Variants in HIVEP3 observed in about 807,000 individuals in gnomAD.
The protein encoded by HIVEP3 is transcription factor HIVEP3.
Under a neutral mutation model 152.8 loss-of-function variants are expected in HIVEP3, and 49 were observed. That is an observed-to-expected ratio of 0.32 (90% CI 0.26 to 0.41). The LOEUF is 0.41. HIVEP3 is among the 10% of genes least tolerant of loss of function. The pLI is 1.00. For missense variants in HIVEP3, 2,790 were observed against 3,103.3 expected (o/e 0.90, Z 2.40); for synonymous variants, 1,269 against 1,289.0 (o/e 0.98, Z 0.33).
intron 3 of HIVEP3, among the ~76,000 whole-genome samples, chr1:41,624,221 C>A (rs1645085458): frequency 6.6e-6 from 1 of 152,196 alleles, no homozygotes; most frequent in Non-Finnish European, 1.5e-5. Flanking sequence ...CCATTATCCT[C>A]CAGTACAAAA....
chr1:41,978,474 G>GT (rs1645274180), intron 1 of HIVEP3, among the ~76,000 whole-genome samples: 2 of 152,166 alleles, frequency 1.3e-5, no homozygotes, highest in Non-Finnish European at 2.9e-5. Flanking sequence ...ACCACAGGAG[G>GT]ACACAGGAGG....
intron 6 of HIVEP3, among the ~76,000 whole-genome samples, chr1:41,521,162 G>A (rs934062544): frequency 6.6e-6 from 1 of 152,170 alleles, no homozygotes; most frequent in African/African-American, 2.4e-5. Context: ...TACCTACCTC[G>A]TGGGGATGCG....
intron 1 of HIVEP3, among the ~76,000 whole-genome samples, chr1:41,851,912 A>T (rs1050032371): frequency 6.6e-6 from 1 of 152,194 alleles, no homozygotes; most frequent in Non-Finnish European, 1.5e-5. Flanking sequence ...TTTGAGACCA[A>T]AGAGTTGGGT....
intron 1 of HIVEP3, among the ~76,000 whole-genome samples, chr1:42,017,349 A>G (rs1436231885): frequency 2.0e-5 from 3 of 152,184 alleles, no homozygotes; most frequent in Non-Finnish European, 4.4e-5. Context: ...AGAAAAGAGC[A>G]CAAGGCATCA....
intron 2 of HIVEP3, among the ~76,000 whole-genome samples, chr1:41,673,722 C>T (rs17372813): frequency 0.14 from 21,688 of 152,144 alleles, 1,873 homozygotes; most frequent in Middle Eastern, 0.19. Flanking sequence ...ATGAATAAAT[C>T]AAGTTTGGTT....
At chr1:41,593,807 G>A (rs370630129) in intron 3 of HIVEP3, among the ~76,000 whole-genome samples, 2 of 152,192 alleles carry the variant, frequency 1.3e-5, no homozygotes, top group South Asian at 2.1e-4. Flanking sequence ...GTGGTCAGAC[G>A]TCTGAAATAG....
At chr1:41,655,171 C>T (rs1226829973) in intron 2 of HIVEP3, among the ~76,000 whole-genome samples, 2 of 152,080 alleles carry the variant, frequency 1.3e-5, no homozygotes, top group African/African-American at 4.8e-5. Flanking sequence ...TTCCATAGAC[C>T]TCCACGTGCC....
intron 1 of HIVEP3, among the ~76,000 whole-genome samples, chr1:41,805,662 C>G (rs148591749): frequency 3.9e-5 from 6 of 152,186 alleles, no homozygotes; most frequent in African/African-American, 1.4e-4. Flanking sequence ...CAAGAGGATA[C>G]GTGACCAAGA....
chr1:41,781,930 G>A (rs1161859523), intron 1 of HIVEP3, among the ~76,000 whole-genome samples: 1 of 152,196 alleles, frequency 6.6e-6, no homozygotes, highest in African/African-American at 2.4e-5. Flanking sequence ...TGCATTATAA[G>A]GAGTCAGCCT....
intron 1 of HIVEP3, among the ~76,000 whole-genome samples, chr1:41,751,270 T>C (rs1160041466): frequency 1.3e-5 from 2 of 150,436 alleles, no homozygotes; most frequent in Non-Finnish European, 3.0e-5. Context: ...GCAGGCTTTA[T>C]TTCCAACTTC....
At chr1:41,848,374 T>C (rs1038327390) in intron 1 of HIVEP3, 6 of 152,282 alleles carry the variant, frequency 3.9e-5, no homozygotes, top group Non-Finnish European at 8.8e-5. Context: ...GACCTCGCTG[T>C]GCTGTCCTCC....
At chr1:41,654,017 A>G (rs1645593511) in intron 2 of HIVEP3, among the ~76,000 whole-genome samples, 1 of 148,394 alleles carries the variant, frequency 6.7e-6, no homozygotes, top group South Asian at 2.1e-4. Context: ...CAGCCCTCTG[A>G]CTCTTCTGAC....
intron 7 of HIVEP3, among the ~76,000 whole-genome samples, chr1:41,514,571 G>T (rs964397664): frequency 6.6e-6 from 1 of 152,174 alleles, no homozygotes; most frequent in African/African-American, 2.4e-5. Context: ...TCCCAGCCAC[G>T]CTCTTATCTG....
chr1:41,683,492 G>C (rs1349679693), intron 2 of HIVEP3, among the ~76,000 whole-genome samples: 1 of 152,164 alleles, frequency 6.6e-6, no homozygotes, highest in East Asian at 1.9e-4. Context: ...ATGAGTTCAC[G>C]GTGACTTCAG....
chr1:41,783,115 C>G (rs958345849), intron 1 of HIVEP3, among the ~76,000 whole-genome samples: 24 of 152,266 alleles, frequency 1.6e-4, no homozygotes, highest in Admixed American at 3.3e-4. Context: ...CCTCAGGGCC[C>G]CTGCTAAGTT....
intron 1 of HIVEP3, among the ~76,000 whole-genome samples, chr1:41,892,878 G>C (rs561490404): frequency 1.3e-5 from 2 of 152,292 alleles, no homozygotes; most frequent in African/African-American, 4.8e-5. Context: ...CCAGAACTTT[G>C]GGAGGTTGAG....
chr1:41,636,647 G>T (rs530081384), intron 2 of HIVEP3, among the ~76,000 whole-genome samples: 1 of 152,268 alleles, frequency 6.6e-6, no homozygotes, highest in East Asian at 1.9e-4. Context: ...GAAAGAAAAT[G>T]AACAGATCAT....
chr1:41,882,701 G>A (rs1405413059), intron 1 of HIVEP3, among the ~76,000 whole-genome samples: 1 of 152,016 alleles, frequency 6.6e-6, no homozygotes, highest in Non-Finnish European at 1.5e-5. Flanking sequence ...AGTCCCCTGG[G>A]CACATAACAA....
At chr1:41,643,154 C>A (rs1049459453) in intron 2 of HIVEP3, among the ~76,000 whole-genome samples, 1 of 152,198 alleles carries the variant, frequency 6.6e-6, no homozygotes, top group African/African-American at 2.4e-5. Context: ...CATGCTGCTG[C>A]CCCAAGCGGT....
Sources: gnomAD v4.1 joint callset for allele counts (sites outside exome capture counted in the v4.1 genomes callset) on GRCh38, gnomAD v4.1.1 for gene constraint, MANE v1.5 for transcripts, NCBI Gene and HGNC (gene_info 2026-07-23, HGNC 2026-07-21) for gene names.